ATP8A2: variants seen among roughly 807,000 people sequenced by gnomAD.
The protein encoded by ATP8A2 is phospholipid-transporting ATPase IB.
Under a neutral mutation model 165.6 loss-of-function variants are expected in ATP8A2, and 100 were observed. That is an observed-to-expected ratio of 0.60 (90% CI 0.51 to 0.71). The LOEUF is 0.71. Ranked by LOEUF, ATP8A2 falls within the 30% of genes least tolerant of loss-of-function variation. ATP8A2 has a pLI of 0.00. For synonymous variants in ATP8A2, 543 were observed against 548.8 expected (o/e 0.99, Z 0.15); for missense variants, 1,227 against 1,479.5 (o/e 0.83, Z 2.80).
At chr13:25,853,528 G>A (rs1952072450) in intron 30 of ATP8A2, among the ~76,000 whole-genome samples, 1 of 151,330 alleles carries the variant, frequency 6.6e-6, no homozygotes, top group Non-Finnish European at 1.5e-5. Flanking sequence ...GTATGTTTTA[G>A]TCCCTGACTC....
At chr13:25,645,307 T>A (rs1188180830) in intron 24 of ATP8A2, among the ~76,000 whole-genome samples, 1 of 152,206 alleles carries the variant, frequency 6.6e-6, no homozygotes, top group Non-Finnish European at 1.5e-5. Context: ...CAGGAAAGAC[T>A]GGCCCCTGTG....
At chr13:25,861,600 G>A (rs1172324267) in intron 32 of ATP8A2, among the ~76,000 whole-genome samples, 1 of 152,202 alleles carries the variant, frequency 6.6e-6, no homozygotes, top group Non-Finnish European at 1.5e-5. Context: ...CTAAGAGACA[G>A]TGGCAATTAA....
At chr13:25,652,643 A>T (rs187430168) in intron 24 of ATP8A2, among the ~76,000 whole-genome samples, 3 of 152,310 alleles carry the variant, frequency 2.0e-5, no homozygotes, top group East Asian at 1.9e-4. Context: ...TTCTGTGTGT[A>T]AACTTGTGTT....
chr13:25,835,873 C>T (rs532396863), intron 28 of ATP8A2, among the ~76,000 whole-genome samples: 9 of 152,274 alleles, frequency 5.9e-5, no homozygotes, highest in East Asian at 1.9e-4. Flanking sequence ...GAAAGTTCCT[C>T]GTCCTTTAAA....
intron 35 of ATP8A2, among the ~76,000 whole-genome samples, chr13:25,970,539 C>T (rs992534529): frequency 6.6e-6 from 1 of 152,218 alleles, no homozygotes; most frequent in African/African-American, 2.4e-5. Flanking sequence ...ACAGAACCTG[C>T]GTTTGAATTC....
chr13:25,773,734 A>G (rs1490548504), intron 26 of ATP8A2, among the ~76,000 whole-genome samples: 2 of 151,944 alleles, frequency 1.3e-5, no homozygotes, highest in African/African-American at 2.4e-5. Flanking sequence ...GTGTATTTGT[A>G]TGAGTATCTA....
intron 25 of ATP8A2, among the ~76,000 whole-genome samples, chr13:25,730,963 G>A (rs564790058): frequency 4.0e-5 from 6 of 151,848 alleles, no homozygotes; most frequent in African/African-American, 9.7e-5. Flanking sequence ...GGTCCCAGCC[G>A]CACGAGAGAC....
chr13:25,436,739 C>T (rs964841100), intron 1 of ATP8A2, among the ~76,000 whole-genome samples: 4 of 151,836 alleles, frequency 2.6e-5, no homozygotes, highest in Admixed American at 2.0e-4. Context: ...GTGTAAGCAC[C>T]CCCCTTTTTC....
At chr13:25,772,157 G>A (rs568509315) in intron 26 of ATP8A2, among the ~76,000 whole-genome samples, 4 of 152,260 alleles carry the variant, frequency 2.6e-5, no homozygotes, top group East Asian at 1.9e-4. Context: ...CCTTGCTGCC[G>A]TCGCTGAGTC....
chr13:25,569,500 C>T lies in ATP8A2; in HGVS notation c.1474-1267C>T, dbSNP rs761199029. 5.8e-4 allele frequency among the ~76,000 whole-genome samples: 88 copies of T among 152,142 alleles called. 1 individual carries two copies. Among genetic ancestry groups the T allele is most frequent in the Non-Finnish European group, 1.5e-4 (10 of 68,036 alleles). On this transcript the variant is annotated intron_variant, in intron 16 of 36. Coordinates refer to ENST00000381655, the MANE Select transcript of ATP8A2 (RefSeq NM_016529.6). ...TCTATCTCAATTTTATAGCCAGTTG[C>T]CTATTTAAAAGGGATGCACTAGAAC...
intron 33 of ATP8A2, among the ~76,000 whole-genome samples, chr13:25,948,993 G>A (rs1223084300): frequency 6.6e-6 from 1 of 152,204 alleles, no homozygotes; most frequent in Non-Finnish European, 1.5e-5. Flanking sequence ...CACTGTCTTT[G>A]GTCCTTTCAG....
At chr13:25,800,269 T>A (rs1228505196) in intron 27 of ATP8A2, among the ~76,000 whole-genome samples, 2 of 152,026 alleles carry the variant, frequency 1.3e-5, no homozygotes, top group Non-Finnish European at 2.9e-5. Context: ...CTATAACAGG[T>A]AAAAATGTAC....
rs180700747 is a variant in ATP8A2, at chr13:25,952,611, C to T, written c.3184-8964C>T. Among the ~76,000 whole-genome samples the T allele has an allele frequency of 4.8e-4, 73 of 152,172 alleles. 1 individual carries two copies. The highest frequency in any genetic ancestry group is 1.7e-3 in the South Asian group (8 of 4,810). ...TGATCTCAAACTCCTGACCTCAAAC[C>T]GTCCTTCACCTCAGCATCCCAAAGC... On this transcript the variant is annotated intron_variant, in intron 33 of 36. Transcript: ENST00000381655.
intron 25 of ATP8A2, among the ~76,000 whole-genome samples, chr13:25,700,822 C>T (rs1254747692): frequency 1.3e-5 from 2 of 152,158 alleles, no homozygotes; most frequent in Non-Finnish European, 2.9e-5. Flanking sequence ...TTCCCACTGG[C>T]AATATGTGAT....
intron 25 of ATP8A2, among the ~76,000 whole-genome samples, chr13:25,727,564 C>T (rs368218896): frequency 1.8e-4 from 27 of 152,228 alleles, no homozygotes; most frequent in East Asian, 7.7e-4. Flanking sequence ...AGCCATTATC[C>T]GGAATAAACT....
chr13:25,601,995 G>T (rs986452712), intron 24 of ATP8A2, among the ~76,000 whole-genome samples: 24 of 152,098 alleles, frequency 1.6e-4, no homozygotes, highest in Admixed American at 1.4e-3. Context: ...ATTTTTGATA[G>T]AAACTTTCTA....
chr13:25,499,274 A>T (rs2036775441), intron 2 of ATP8A2, among the ~76,000 whole-genome samples: 1 of 152,184 alleles, frequency 6.6e-6, no homozygotes, highest in Admixed American at 6.5e-5. Context: ...CTAGAGGGAG[A>T]TGAGTCTTGA....
chr13:25,845,041 A>T (rs544322438), intron 30 of ATP8A2, among the ~76,000 whole-genome samples: 2 of 152,292 alleles, frequency 1.3e-5, no homozygotes, highest in South Asian at 2.1e-4. Context: ...TCCTTTGCTG[A>T]TGGAGTTTGT....
chr13:25,636,287 A>G (rs1224614541), intron 24 of ATP8A2, among the ~76,000 whole-genome samples: 1 of 152,208 alleles, frequency 6.6e-6, no homozygotes, highest in East Asian at 1.9e-4. Context: ...TGCTCAGCAC[A>G]GTAGACATTA....
Sources: allele counts gnomAD v4.1 joint callset (sites outside exome capture counted in the v4.1 genomes callset), GRCh38; gene constraint gnomAD v4.1.1; transcripts MANE v1.5; gene names NCBI Gene and HGNC (gene_info 2026-07-23, HGNC 2026-07-21).